The following NAALADL2 variants were observed in gnomAD, a reference collection of about 807,000 sequenced individuals.
NAALADL2 encodes N-acetylated alpha-linked acidic dipeptidase like 2.
A neutral mutation model predicts 87.2 loss-of-function variants in NAALADL2; 76 were observed. The observed-to-expected ratio is 0.87, with a 90% CI of 0.72 to 1.05. The LOEUF is 1.05. Among genes scored for constraint, NAALADL2 ranks in the 50% least tolerant of loss-of-function variants. NAALADL2 has a pLI of 0.00. For missense variants in NAALADL2, 1,089 were observed against 945.8 expected (o/e 1.15, Z -1.99); for synonymous variants, 354 against 331.0 (o/e 1.07, Z -0.75).
At chr3:175,440,249 T>C (rs1719504786) in intron 5 of NAALADL2, among the ~76,000 whole-genome samples, 1 of 152,212 alleles carries the variant, frequency 6.6e-6, no homozygotes, top group Non-Finnish European at 1.5e-5. Context: ...TCTATATGTC[T>C]GTCTTAATAC....
intron 13 of NAALADL2, among the ~76,000 whole-genome samples, chr3:175,783,093 G>A (rs1275534019): frequency 2.0e-5 from 3 of 151,490 alleles, no homozygotes; most frequent in Admixed American, 1.3e-4. Flanking sequence ...GTACCATGCT[G>A]TTTTGGTTAC....
intron 9 of NAALADL2, among the ~76,000 whole-genome samples, chr3:175,571,204 C>T (rs1028446645): frequency 1.4e-4 from 21 of 152,112 alleles, no homozygotes; most frequent in Admixed American, 1.2e-3. Context: ...TAAAACTGTA[C>T]TTGCAAAGAG....
intron 13 of NAALADL2, among the ~76,000 whole-genome samples, chr3:175,764,906 C>G (rs978955897): frequency 2.0e-5 from 3 of 152,008 alleles, no homozygotes; most frequent in African/African-American, 7.2e-5. Flanking sequence ...ATGTAAGTCC[C>G]AAAAGGACCT....
At chr3:175,143,551 C>CAA (rs200363916) in intron 2 of NAALADL2, among the ~76,000 whole-genome samples, 40 of 113,366 alleles carry the variant, frequency 3.5e-4, no homozygotes, top group African/African-American at 1.4e-3. Context: ...CAATGTTAGC[C>CAA]AAAAAAAAAA....
At chr3:175,397,548 G>A (rs1217226858) in intron 5 of NAALADL2, among the ~76,000 whole-genome samples, 1 of 152,146 alleles carries the variant, frequency 6.6e-6, no homozygotes, top group Non-Finnish European at 1.5e-5. Flanking sequence ...GAGCAGCAGT[G>A]ACATCCAGTT....
intron 10 of NAALADL2, among the ~76,000 whole-genome samples, chr3:175,602,847 A>G (rs997433380): frequency 2.6e-5 from 4 of 152,192 alleles, no homozygotes; most frequent in African/African-American, 9.7e-5. Flanking sequence ...TTGCAAGACT[A>G]ATAATAAAAT....
intron 5 of NAALADL2, among the ~76,000 whole-genome samples, chr3:175,412,508 G>A (rs1385345263): frequency 6.6e-6 from 1 of 152,128 alleles, no homozygotes; most frequent in Non-Finnish European, 1.5e-5. Context: ...TTATTATTAG[G>A]ATGGGGGTTA....
At chr3:175,746,026 G>C (rs1402979399) in intron 12 of NAALADL2, among the ~76,000 whole-genome samples, 1 of 152,136 alleles carries the variant, frequency 6.6e-6, no homozygotes, top group South Asian at 2.1e-4. Flanking sequence ...GTGCAAGCCA[G>C]ACTCAGCAGG....
At chr3:174,849,694 C>T (rs1462113012) in intron 3 of NAALADL2, among the ~76,000 whole-genome samples, 2 of 140,842 alleles carry the variant, frequency 1.4e-5, no homozygotes, top group Non-Finnish European at 3.0e-5. Context: ...GAGATCGCGC[C>T]ATTGCACTCC....
chr3:175,326,317 T>C (rs758741763), intron 5 of NAALADL2, among the ~76,000 whole-genome samples: 10 of 152,224 alleles, frequency 6.6e-5, no homozygotes, highest in Non-Finnish European at 1.5e-4. Flanking sequence ...ATTCTGATCA[T>C]GACCATTTAA....
intron 1 of NAALADL2, among the ~76,000 whole-genome samples, chr3:174,547,959 C>A (rs1161745236): frequency 6.6e-6 from 1 of 152,142 alleles, no homozygotes. Flanking sequence ...CAGCATAAAG[C>A]TAGAGGTGAA....
intron 12 of NAALADL2, among the ~76,000 whole-genome samples, chr3:175,743,201 A>G (rs547575262): frequency 1.5e-4 from 23 of 152,094 alleles, no homozygotes; most frequent in African/African-American, 4.3e-4. Context: ...GGGTTTCACC[A>G]TGTTGGCCAG....
At chr3:175,625,461 T>C (rs1432782992) in intron 10 of NAALADL2, among the ~76,000 whole-genome samples, 2 of 152,032 alleles carry the variant, frequency 1.3e-5, no homozygotes, top group Non-Finnish European at 1.5e-5. Context: ...ATGGGACTTT[T>C]TAGATTTAAT....
At chr3:174,939,322 T>TG (rs1738220522) in intron 1 of NAALADL2, among the ~76,000 whole-genome samples, 1 of 152,104 alleles carries the variant, frequency 6.6e-6, no homozygotes, top group South Asian at 2.1e-4. Flanking sequence ...GTCATAGGTA[T>TG]GTGGCCTTAT....
chr3:174,559,870 A>G (rs547395685), intron 2 of NAALADL2, among the ~76,000 whole-genome samples: 5 of 152,346 alleles, frequency 3.3e-5, no homozygotes, highest in African/African-American at 1.2e-4. Context: ...TGAGGAAGAC[A>G]CAACATTCAA....
At chr3:174,979,629 C>CA (rs1438063719) in intron 1 of NAALADL2, among the ~76,000 whole-genome samples, 7 of 151,912 alleles carry the variant, frequency 4.6e-5, no homozygotes, top group Non-Finnish European at 7.4e-5. Flanking sequence ...CTTATATAAG[C>CA]ATTTCTTTTC....
chr3:175,781,899 C>T (rs1053371507), intron 13 of NAALADL2, among the ~76,000 whole-genome samples: 2 of 132,200 alleles, frequency 1.5e-5, no homozygotes, highest in Non-Finnish European at 1.6e-5. Context: ...TATTCTCCTT[C>T]CTGTGTCCAT....
At chr3:175,524,367 C>T (rs961320351) in intron 9 of NAALADL2, among the ~76,000 whole-genome samples, 2 of 152,052 alleles carry the variant, frequency 1.3e-5, no homozygotes, top group Non-Finnish European at 2.9e-5. Flanking sequence ...GAATAATGAT[C>T]TTATTCTGGC....
intron 4 of NAALADL2, among the ~76,000 whole-genome samples, chr3:175,285,035 T>G (rs1034360716): frequency 6.6e-6 from 1 of 152,178 alleles, no homozygotes; most frequent in Non-Finnish European, 1.5e-5. Flanking sequence ...CCATATTATG[T>G]GCACCTTTAT....
Sources: allele counts gnomAD v4.1 joint callset (sites outside exome capture counted in the v4.1 genomes callset), GRCh38; gene constraint gnomAD v4.1.1; transcripts MANE v1.5; gene names NCBI Gene and HGNC (gene_info 2026-07-23, HGNC 2026-07-21).